The following PRKG1 variants were observed in gnomAD, a reference collection of about 807,000 sequenced individuals.
PRKG1 encodes protein kinase cGMP-dependent 1.
Under a neutral mutation model 88.1 loss-of-function variants are expected in PRKG1, and 35 were observed. The observed-to-expected ratio is 0.40, with a 90% confidence interval of 0.30 to 0.53. The LOEUF (loss-of-function observed/expected upper bound fraction) is 0.53, where lower values mean the gene tolerates loss of function less well. Ranked by LOEUF, PRKG1 falls within the 20% of genes least tolerant of loss-of-function variation. PRKG1 has a pLI of 0.59. For synonymous variants in PRKG1, 303 were observed against 292.5 expected (o/e 1.04, Z -0.37); for missense variants, 540 against 839.8 (o/e 0.64, Z 4.41).
chr10:51,467,944 G>C, intron 3 of PRKG1, 108 bp downstream of exon 3: 1 of 973,914 alleles, frequency 1.0e-6, no homozygotes, highest in Non-Finnish European at 1.6e-6. Context: ...TTATTTCTTT[G>C]TATTTTAATT....
intron 2 of PRKG1, among the ~76,000 whole-genome samples, chr10:51,355,421 C>A (rs775827517): frequency 1.3e-5 from 2 of 151,988 alleles, no homozygotes. Context: ...CTGTAGGTTC[C>A]TAATAGAAAT....
At chr10:52,140,434 A>G (rs916910683) in intron 8 of PRKG1, among the ~76,000 whole-genome samples, 10 of 151,958 alleles carry the variant, frequency 6.6e-5, no homozygotes, top group Admixed American at 3.3e-4. Flanking sequence ...ACTCTTCTGT[A>G]CACATCTTCT....
At chr10:51,230,687 C>T (rs1213845801) in intron 2 of PRKG1, among the ~76,000 whole-genome samples, 1 of 151,806 alleles carries the variant, frequency 6.6e-6, no homozygotes, top group Non-Finnish European at 1.5e-5. Flanking sequence ...CACATCCTAC[C>T]ATATACTTTA....
intron 1 of PRKG1, among the ~76,000 whole-genome samples, chr10:51,093,265 A>G (rs1451944604): frequency 6.6e-6 from 1 of 152,146 alleles, no homozygotes; most frequent in African/African-American, 2.4e-5. Context: ...TATTTTAACC[A>G]CCCATCTAGG....
intron 3 of PRKG1, among the ~76,000 whole-genome samples, chr10:51,506,840 A>G (rs1841223187): frequency 6.6e-6 from 1 of 152,172 alleles, no homozygotes; most frequent in African/African-American, 2.4e-5. Context: ...TGCTATAAAG[A>G]CATATGCACA....
intron 5 of PRKG1, among the ~76,000 whole-genome samples, chr10:52,053,128 G>C (rs757242564): frequency 2.1e-4 from 32 of 152,058 alleles, no homozygotes; most frequent in Non-Finnish European, 4.0e-4. Context: ...GTGCAGGATG[G>C]GTTGGTGGTT....
Position 52,287,812 on chromosome 10 carries a change from G to C in PRKG1, c.1710-914G>C, listed in dbSNP as rs1361537392. On this transcript the variant is annotated intron_variant, in intron 14 of 17. Coordinates refer to ENST00000373980, the MANE Select transcript of PRKG1 (RefSeq NM_006258.4). Reference sequence around the variant, plus strand: ...TAAATTATCTAATGAGGTCCTCTGAGCAGAGAGAAAAGGATAGGAGGAGTA... The same window carrying C: ...TAAATTATCTAATGAGGTCCTCTGACCAGAGAGAAAAGGATAGGAGGAGTA... Among the ~76,000 whole-genome samples the C allele has an allele frequency of 2.6e-5, 4 of 152,108 alleles. No homozygotes were observed. The South Asian group carries it at 8.3e-4, about 32-fold the overall frequency.
intron 7 of PRKG1, among the ~76,000 whole-genome samples, chr10:52,125,065 A>G (rs1847901492): frequency 6.6e-6 from 1 of 152,218 alleles, no homozygotes; most frequent in Non-Finnish European, 1.5e-5. Context: ...ACACTCTAAA[A>G]TAACAATAAA....
intron 3 of PRKG1, chr10:51,699,136 C>T: frequency 6.2e-7 from 1 of 1,614,210 alleles, no homozygotes; most frequent in Non-Finnish European, 8.5e-7. Flanking sequence ...CAAACATCTG[C>T]TCCGGGGGGA....
chr10:51,670,608 C>T (rs980115801), intron 3 of PRKG1, among the ~76,000 whole-genome samples: 7 of 148,212 alleles, frequency 4.7e-5, no homozygotes, highest in Admixed American at 2.7e-4. Flanking sequence ...TAGTGGCGGG[C>T]GCCTGTAGTC....
At chr10:51,262,715 G>C (rs1166688229) in intron 2 of PRKG1, among the ~76,000 whole-genome samples, 1 of 152,104 alleles carries the variant, frequency 6.6e-6, no homozygotes, top group Admixed American at 6.5e-5. Context: ...TACGATCATG[G>C]CAGAAGGGGA....
intron 3 of PRKG1, among the ~76,000 whole-genome samples, chr10:51,619,056 C>T (rs936809167): frequency 2.6e-5 from 4 of 151,176 alleles, no homozygotes; most frequent in Admixed American, 2.0e-4. Flanking sequence ...GGATTACAGG[C>T]GTAAGCCACC....
At chr10:51,959,761 C>T (rs1003871153) in intron 5 of PRKG1, among the ~76,000 whole-genome samples, 1 of 151,986 alleles carries the variant, frequency 6.6e-6, no homozygotes, top group African/African-American at 2.4e-5. Flanking sequence ...GCAGATGATG[C>T]CAAGATTTCT....
chr10:51,970,796 T>C (rs1843695653), intron 5 of PRKG1, among the ~76,000 whole-genome samples: 1 of 138,970 alleles, frequency 7.2e-6, no homozygotes, highest in African/African-American at 3.0e-5. Context: ...TCAGATTATA[T>C]ATATATATCA....
intron 3 of PRKG1, among the ~76,000 whole-genome samples, chr10:51,518,750 G>A (rs1179206933): frequency 5.9e-5 from 9 of 152,132 alleles, no homozygotes; most frequent in African/African-American, 1.2e-4. Context: ...TGTCAGTATC[G>A]CTTAAATATT....
intron 2 of PRKG1, among the ~76,000 whole-genome samples, chr10:51,181,506 G>T (rs182640123): frequency 8.6e-4 from 130 of 152,008 alleles, no homozygotes; most frequent in African/African-American, 2.9e-3. Context: ...CTCCCAAAGT[G>T]CTGGGATTAC....
rs543664856 is a variant in PRKG1, at chr10:51,856,236, TC to T, written c.699-51268del. ...AAAAGTCTTAATCACATCCACAAAGTCCCTTTGTTCCATATAAGGTAACATA... is the reference window on the plus strand; with the variant it reads ...AAAAGTCTTAATCACATCCACAAAGTCCTTTGTTCCATATAAGGTAACATA... On this transcript the variant is annotated intron_variant, in intron 4 of 17. Coordinates refer to ENST00000373980, the MANE Select transcript of PRKG1 (RefSeq NM_006258.4). Among the ~76,000 whole-genome samples the T allele has an allele frequency of 1.3e-3, 203 of 152,222 alleles. 1 individual carries two copies. The highest frequency in any genetic ancestry group is 2.4e-3 in the Non-Finnish European group (166 of 68,012).
chr10:51,187,771 A>G (rs1436795893), intron 2 of PRKG1, among the ~76,000 whole-genome samples: 2 of 152,020 alleles, frequency 1.3e-5, no homozygotes, highest in African/African-American at 2.4e-5. Context: ...CATAGCTGAT[A>G]TAAAGTTTAG....
intron 3 of PRKG1, among the ~76,000 whole-genome samples, chr10:51,522,746 G>GA (rs1210879170): frequency 6.6e-6 from 1 of 152,018 alleles, no homozygotes; most frequent in Non-Finnish European, 1.5e-5. Flanking sequence ...TTGGTACAAT[G>GA]AAAAATCTAC....
Sources: allele counts gnomAD v4.1 joint callset (sites outside exome capture counted in the v4.1 genomes callset), GRCh38; gene constraint gnomAD v4.1.1; transcripts MANE v1.5; gene names NCBI Gene and HGNC (gene_info 2026-07-23, HGNC 2026-07-21).